CCSER1: variants seen among roughly 807,000 people sequenced by gnomAD.
The protein encoded by CCSER1 is coiled-coil serine rich protein 1.
In CCSER1, 41 loss-of-function variants were observed where a neutral mutation model predicts 82.0. The ratio of observed to expected loss-of-function variants is 0.50; its 90% CI spans 0.39 to 0.65. CCSER1 has a LOEUF of 0.65. Ranked by LOEUF, CCSER1 falls within the 30% of genes least tolerant of loss-of-function variation. The pLI is 0.00. For synonymous variants in CCSER1, 414 were observed against 383.9 expected, an observed-to-expected ratio of 1.08 and a Z score of -0.92; for missense variants, 1,119 against 1,064.2, an observed-to-expected ratio of 1.05 and a Z score of -0.72.
At chr4:91,020,625 G>A (rs1160853508) in intron 9 of CCSER1, among the ~76,000 whole-genome samples, 4 of 151,700 alleles carry the variant, frequency 2.6e-5, no homozygotes, top group Non-Finnish European at 4.4e-5. Flanking sequence ...TCGCGCCACT[G>A]CACTCCAGCC....
intron 10 of CCSER1, among the ~76,000 whole-genome samples, chr4:91,442,076 C>G (rs1392687392): frequency 1.3e-5 from 2 of 152,012 alleles, no homozygotes; most frequent in Non-Finnish European, 2.9e-5. Flanking sequence ...AATGCCATCC[C>G]CATCAAGCTA....
At chr4:91,438,526 A>T (rs932973670) in intron 10 of CCSER1, among the ~76,000 whole-genome samples, 5 of 152,156 alleles carry the variant, frequency 3.3e-5, no homozygotes, top group African/African-American at 4.8e-5. Flanking sequence ...AACCACAAAG[A>T]TGGGGAAAAA....
chr4:90,481,669 C>A (rs539415251), intron 5 of CCSER1, among the ~76,000 whole-genome samples: 4 of 152,066 alleles, frequency 2.6e-5, no homozygotes, highest in African/African-American at 4.8e-5. Flanking sequence ...TGCTGGATTA[C>A]GTTTATTGAT....
chr4:91,077,122 G>A (rs1381017581), intron 9 of CCSER1, among the ~76,000 whole-genome samples: 4 of 152,178 alleles, frequency 2.6e-5, no homozygotes, highest in African/African-American at 7.2e-5. Flanking sequence ...GGGTCTCACA[G>A]GTCTGGTAAT....
chr4:91,525,151 G>A (rs1760709181), intron 10 of CCSER1, among the ~76,000 whole-genome samples: 1 of 152,026 alleles, frequency 6.6e-6, no homozygotes, highest in Admixed American at 6.6e-5. Flanking sequence ...GATAGTTGAG[G>A]CTAATTGAAA....
chr4:90,255,607 A>G (rs931320482), intron 1 of CCSER1, among the ~76,000 whole-genome samples: 3 of 152,140 alleles, frequency 2.0e-5, no homozygotes, highest in Admixed American at 2.0e-4. Context: ...ACTTTCTAAC[A>G]ATTTTCAGAT....
At chr4:90,920,164 A>T (rs1226864222) in intron 8 of CCSER1, among the ~76,000 whole-genome samples, 1 of 151,838 alleles carries the variant, frequency 6.6e-6, no homozygotes, top group Non-Finnish European at 1.5e-5. Context: ...AGCTCAGCAC[A>T]CTTCCGCGGT....
chr4:91,513,108 T>C (rs1759914360), intron 10 of CCSER1, among the ~76,000 whole-genome samples: 1 of 152,162 alleles, frequency 6.6e-6, no homozygotes, highest in South Asian at 2.1e-4. Context: ...TTGTCACAGA[T>C]GGCTCTTATT....
At chr4:90,733,897 G>A (rs1580209188) in intron 7 of CCSER1, among the ~76,000 whole-genome samples, 1 of 151,930 alleles carries the variant, frequency 6.6e-6, no homozygotes, top group Non-Finnish European at 1.5e-5. Context: ...CTGTTTTTAT[G>A]CTAGTACCCT....
intron 10 of CCSER1, among the ~76,000 whole-genome samples, chr4:91,087,601 A>G (rs544577496): frequency 6.6e-6 from 1 of 152,106 alleles, no homozygotes; most frequent in Non-Finnish European, 1.5e-5. Flanking sequence ...AATAATTTAC[A>G]ATTTAATGTA....
At chr4:91,593,026 T>C (rs1232736729) in intron 10 of CCSER1, among the ~76,000 whole-genome samples, 1 of 152,106 alleles carries the variant, frequency 6.6e-6, no homozygotes, top group Non-Finnish European at 1.5e-5. Context: ...AAACGTTCAT[T>C]AATCAGTGAT....
At chr4:90,335,238 G>T (rs187650480) in intron 3 of CCSER1, among the ~76,000 whole-genome samples, 94 of 152,280 alleles carry the variant, frequency 6.2e-4, no homozygotes, top group African/African-American at 1.9e-3. Flanking sequence ...GGCAAAGAAA[G>T]AATAATTAGG....
intron 10 of CCSER1, among the ~76,000 whole-genome samples, chr4:91,400,474 T>A (rs1560641028): frequency 6.6e-6 from 1 of 150,516 alleles, no homozygotes; most frequent in Non-Finnish European, 1.5e-5. Flanking sequence ...CCCTTCTTCT[T>A]TGCTATTACT....
chr4:90,168,414 A>G (rs1042502884), intron 1 of CCSER1, among the ~76,000 whole-genome samples: 2 of 151,986 alleles, frequency 1.3e-5, no homozygotes, highest in African/African-American at 4.8e-5. Context: ...ATTTTCTCCC[A>G]TTCTGTAGGT....
At chr4:90,583,434 G>A (rs1781643701) in intron 5 of CCSER1, among the ~76,000 whole-genome samples, 1 of 152,098 alleles carries the variant, frequency 6.6e-6, no homozygotes, top group East Asian at 1.9e-4. Context: ...CCAAAGTGCT[G>A]GGGTTACAGG....
chr4:90,665,329 C>CTT (rs5860200), intron 6 of CCSER1, among the ~76,000 whole-genome samples: 13 of 145,160 alleles, frequency 9.0e-5, no homozygotes, highest in African/African-American at 3.3e-4. Context: ...ATTTTTTTTT[C>CTT]TTTTTTTTTT....
At chr4:91,311,559 C>A (rs1287422046) in intron 10 of CCSER1, among the ~76,000 whole-genome samples, 1 of 151,842 alleles carries the variant, frequency 6.6e-6, no homozygotes, top group Non-Finnish European at 1.5e-5. Context: ...TATTAGAATT[C>A]TGTGGTGGAA....
chr4:91,246,630 G>A (rs978123758), intron 10 of CCSER1, among the ~76,000 whole-genome samples: 3 of 152,132 alleles, frequency 2.0e-5, no homozygotes, highest in Non-Finnish European at 4.4e-5. Context: ...AGATCTGGAA[G>A]CAACCTAAGT....
At chr4:90,848,604 T>G (rs1234169053) in intron 8 of CCSER1, among the ~76,000 whole-genome samples, 1 of 152,244 alleles carries the variant, frequency 6.6e-6, no homozygotes, top group Non-Finnish European at 1.5e-5. Flanking sequence ...TTACTCAGAA[T>G]TAACTCCCTG....
Sources: gnomAD v4.1 joint callset for allele counts (sites outside exome capture counted in the v4.1 genomes callset) on GRCh38, gnomAD v4.1.1 for gene constraint, MANE v1.5 for transcripts, NCBI Gene and HGNC (gene_info 2026-07-23, HGNC 2026-07-21) for gene names.